Variants in ZNF367 observed in about 807,000 individuals in gnomAD.
ZNF367 encodes C2H2 zinc finger protein ZFF29.
In ZNF367, 11 loss-of-function variants were observed where a neutral mutation model predicts 31.8. The ratio of observed to expected loss-of-function variants is 0.35; its 90% CI spans 0.22 to 0.57. ZNF367 has a LOEUF of 0.57. Ranked by LOEUF, ZNF367 falls within the 20% of genes least tolerant of loss-of-function variation. The pLI, the probability that ZNF367 is intolerant of heterozygous loss-of-function variation, is 0.85. For missense variants in ZNF367, 353 were observed against 484.1 expected, an observed-to-expected ratio of 0.73 and a Z score of 2.54; for synonymous variants, 199 against 202.4, an observed-to-expected ratio of 0.98 and a Z score of 0.14.
intron 2 of ZNF367, among the ~76,000 whole-genome samples, chr9:96,395,574 G>A (rs530418564): frequency 6.6e-6 from 1 of 152,176 alleles, no homozygotes; most frequent in East Asian, 1.9e-4. Context: ...ATTCCAGCCA[G>A]GAGGCAGTTC....
Position 96,392,403 on chromosome 9 carries a change from C to T in ZNF367, c.825G>A (p.Leu275=). The change falls in exon 4 of 5, where the codon CTG becomes CTA. Residue 275 remains leucine (L), a synonymous_variant. Coordinates refer to ENST00000375256, the MANE Select transcript of ZNF367 (RefSeq NM_153695.4). ...AADNKAAAEW[L]ARYWEMREQR... is the part of the protein sequence containing the mutation. ...CTAAAGGCAGCATTCCTGACCTCGCCAGCCACTCGGCCGCGGCCTTGTTGT... is the reference window on the plus strand; with the variant it reads ...CTAAAGGCAGCATTCCTGACCTCGCTAGCCACTCGGCCGCGGCCTTGTTGT... 1 of 1,614,222 alleles carries T rather than the reference C, an allele frequency of 6.2e-7. No individual in the cohort carries two copies. Among genetic ancestry groups the T allele is most frequent in the Non-Finnish European group, 8.5e-7 (1 of 1,180,028 alleles).
intron 4 of ZNF367, among the ~76,000 whole-genome samples, chr9:96,390,066 C>A (rs1372502218): frequency 2.0e-5 from 3 of 151,918 alleles, no homozygotes; most frequent in African/African-American, 7.2e-5. Flanking sequence ...GCGTGAGGCA[C>A]CGCACCAGGC....
intron 4 of ZNF367, among the ~76,000 whole-genome samples, chr9:96,390,842 C>G (rs1426069966): frequency 2.2e-5 from 3 of 137,252 alleles, no homozygotes; most frequent in Non-Finnish European, 4.6e-5. Context: ...AATAATCCTG[C>G]TACTACAGTC....
In ZNF367 at chr9:96,410,935, G is replaced by C. The variant is rs111890169; in HGVS notation, c.420+6678C>G. On this transcript the variant is annotated intron_variant, in intron 1 of 4. Transcript: ENST00000375256. ...ATAGTGGCTGGCCACAGTGGCTCAC[G>C]CCTGTAATCCCAACACTTTTAAGAG... 2.5e-3 allele frequency among the ~76,000 whole-genome samples: 372 copies of C among 151,616 alleles called. 2 individuals are homozygous for C. The highest frequency in any genetic ancestry group is 8.5e-3 in the African/African-American group (351 of 41,334).
At chr9:96,394,797 C>A in intron 3 of ZNF367, 26 bp downstream of exon 3, 1 of 1,606,060 alleles carries the variant, frequency 6.2e-7, no homozygotes, top group Non-Finnish European at 8.5e-7. Context: ...CTAGTTATTC[C>A]ATAAACTTAA....
At chr9:96,396,142 C>G (rs1001785419) in intron 2 of ZNF367, among the ~76,000 whole-genome samples, 6 of 152,108 alleles carry the variant, frequency 3.9e-5, no homozygotes, top group African/African-American at 1.4e-4. Context: ...GTACAGACAT[C>G]TAGGCTGATG....
intron 4 of ZNF367, among the ~76,000 whole-genome samples, chr9:96,389,896 A>ATTTT (rs777507011): frequency 4.3e-5 from 4 of 94,024 alleles, no homozygotes; most frequent in Non-Finnish European, 6.2e-5. Context: ...TGCCTGGCTA[A>ATTTT]TTTTTTTTTT....
At position 96,417,960 on chromosome 9, in the gene ZNF367, C is replaced by T. The variant is rs771942034; in HGVS notation, c.73G>A (p.Asp25Asn). The T allele has an allele frequency of 1.5e-5, 23 of 1,487,786 alleles. No homozygotes were observed. The highest frequency in any genetic ancestry group is 2.0e-5 in the Non-Finnish European group (22 of 1,125,958). 92.2% of individuals were successfully genotyped at this position (1,487,786 alleles called of 1,614,324 possible). Residue 25 changes from aspartate (D) to asparagine (N), a missense_variant, in exon 1 of 5, where the codon GAC (aspartate) becomes AAC (asparagine). Asp to Asn is a conservative substitution (Grantham distance 23). This residue lies in a region of ZNF367 where 94 missense variants were observed against 86.7 expected (regional missense o/e 1.08). Transcript: ENST00000375256. This position sits in a 1 kb window ranked among gnomAD's most constrained non-coding sequence, Gnocchi z 5.0. ...PPPPPVIFCH[D>N]SPKRVLVSVI... is the part of the protein sequence containing the mutation. ...GACACCAGCACCCGCTTCGGGGAGT[C>T]GTGGCAGAAGATGACGGGCGGCGGC...
rs1462183284 is a variant in ZNF367 at position 96,417,377 on chromosome 9, C to G, written c.420+236G>C. Among the ~76,000 whole-genome samples, 1 of 151,438 alleles carries G rather than the reference C, an allele frequency of 6.6e-6. No homozygotes were observed. Among genetic ancestry groups the G allele is most frequent in the Admixed American group, 6.6e-5 (1 of 15,240 alleles). ...CCCCAGCGACCCCGGGCCGCGCTCC[C>G]GCCCACTGCACCTGCCGCAAGGACG... is the stretch of plus-strand genomic sequence containing the variant. On this transcript the variant is annotated intron_variant, in intron 1 of 4. Transcript: ENST00000375256. This position sits in a 1 kb window ranked among gnomAD's most constrained non-coding sequence, Gnocchi z 5.0.
At chr9:96,405,128 C>T (rs1000601696) in intron 1 of ZNF367, among the ~76,000 whole-genome samples, 8 of 152,006 alleles carry the variant, frequency 5.3e-5, no homozygotes, top group Admixed American at 3.3e-4. Context: ...TCAAGACCAG[C>T]CTGGCCAACA....
Position 96,417,976 on chromosome 9 carries a change from G to GGGT in ZNF367, c.56_57insACC (p.Pro19dup), listed in dbSNP as rs1564147068. 7.0e-7 allele frequency: 1 copy of GGGT among 1,424,504 alleles called. No individual in the cohort carries two copies. The allele number at this position is 1,424,504 out of a possible 1,614,324, so 88.2% of individuals were successfully genotyped here. ...TCGGGGAGTCGTGGCAGAAGATGAC[G>GGGT]GGCGGCGGCGGCGGCGGCGGGTTCT... On this transcript the variant is annotated inframe_insertion, in exon 1 of 5. Transcript: ENST00000375256. The surrounding 1 kb of genome is among the most constrained non-coding windows in gnomAD (Gnocchi z 5.0).
chr9:96,411,382 CAA>C (rs1282481338), intron 1 of ZNF367, among the ~76,000 whole-genome samples: 6 of 118,494 alleles, frequency 5.1e-5, no homozygotes, highest in Admixed American at 8.6e-5. Flanking sequence ...CCCCTGTCTA[CAA>C]AAAAAAAAAA....
intron 1 of ZNF367, among the ~76,000 whole-genome samples, chr9:96,401,180 C>T (rs533322086): frequency 2.6e-5 from 4 of 151,984 alleles, no homozygotes; most frequent in South Asian, 2.1e-4. Flanking sequence ...GAGCCATGAT[C>T]GCGCCACTGG....
intron 4 of ZNF367, chr9:96,392,162 T>TAAA: frequency 1.7e-6 from 1 of 582,068 alleles, no homozygotes; most frequent in Non-Finnish European, 2.9e-6. Context: ...CTCTTCCTTT[T>TAAA]AAAATAAACT....
At chr9:96,389,273 C>CA (rs1381048208) in intron 4 of ZNF367, among the ~76,000 whole-genome samples, 1 of 147,880 alleles carries the variant, frequency 6.8e-6, no homozygotes, top group African/African-American at 2.5e-5. Context: ...GCACTCCATC[C>CA]AGGGTGACAG....
In ZNF367 at chr9:96,417,335, G is replaced by A. The variant is rs978346113; in HGVS notation, c.420+278C>T. 2.6e-5 allele frequency among the ~76,000 whole-genome samples: 4 copies of A among 152,024 alleles called. No individual in the cohort carries two copies. Among genetic ancestry groups the A allele is most frequent in the African/African-American group, 9.7e-5 (4 of 41,414 alleles). ...GGCAGCCCGCCGGGAGGATGTCAGT[G>A]GCCGTTGACCCGGCCTCCCCAGCGA... On this transcript the variant is annotated intron_variant, in intron 1 of 4. Transcript: ENST00000375256. This position sits in a 1 kb window ranked among gnomAD's most constrained non-coding sequence, Gnocchi z 5.0.
Position 96,408,110 on chromosome 9 carries a change from T to C in ZNF367, c.420+9503A>G, listed in dbSNP as rs1015905721. ...ATAGCATTAGGAGATATACCTAATG[T>C]AAATGACGAGTTAATGGGTGCAGCA... On this transcript the variant is annotated intron_variant, in intron 1 of 4. Transcript: ENST00000375256. 2.0e-5 allele frequency among the ~76,000 whole-genome samples: 3 copies of C among 151,986 alleles called. No homozygotes were observed. The East Asian group carries it at 5.8e-4, about 29-fold the overall frequency.
intron 1 of ZNF367, among the ~76,000 whole-genome samples, chr9:96,405,050 A>G (rs1831654422): frequency 6.6e-6 from 1 of 152,130 alleles, no homozygotes; most frequent in South Asian, 2.1e-4. Flanking sequence ...AGCCACATGC[A>G]GTGTATCACG....
intron 4 of ZNF367, among the ~76,000 whole-genome samples, chr9:96,391,337 A>G (rs1257907316): frequency 6.6e-6 from 1 of 152,248 alleles, no homozygotes; most frequent in Non-Finnish European, 1.5e-5. Context: ...AGTTGGTCCC[A>G]GCCCGTTTGT....
Sources: allele counts gnomAD v4.1 joint callset (sites outside exome capture counted in the v4.1 genomes callset), GRCh38; gene constraint gnomAD v4.1.1; regional missense constraint gnomAD v4.1.1; non-coding constraint Gnocchi (gnomAD v3.1); transcripts MANE v1.5; gene names NCBI Gene and HGNC (gene_info 2026-07-23, HGNC 2026-07-21).